AFG2A: variants seen among roughly 807,000 people sequenced by gnomAD.
The protein encoded by AFG2A is ATPase family gene 2 protein homolog A.
At chr4:123,111,452 A>G in the AFG2A span, among the ~76,000 whole-genome samples, 1 of 152,236 alleles carries the variant, frequency 6.6e-6, no homozygotes, top group Non-Finnish European at 1.5e-5. Flanking sequence ...TAAAGTTTGT[A>G]TATTAAAGTC....
At chr4:122,972,768 C>T in the AFG2A span, among the ~76,000 whole-genome samples, 1 of 151,842 alleles carries the variant, frequency 6.6e-6, no homozygotes, top group Non-Finnish European at 1.5e-5. Context: ...ATTCATTCTC[C>T]TGAGGTCAGA....
the AFG2A span, among the ~76,000 whole-genome samples, chr4:122,981,953 G>C: frequency 6.6e-6 from 1 of 151,756 alleles, no homozygotes; most frequent in South Asian, 2.1e-4. Flanking sequence ...TCTGCAAACA[G>C]ACAATTTTTT....
chr4:123,295,709 C>G, the AFG2A span, among the ~76,000 whole-genome samples: 1 of 152,216 alleles, frequency 6.6e-6, no homozygotes, highest in Non-Finnish European at 1.5e-5. Flanking sequence ...CTCTACCAAA[C>G]ATGGTGAAAA....
the AFG2A span, among the ~76,000 whole-genome samples, chr4:123,145,291 CTG>C: frequency 3.3e-5 from 5 of 151,984 alleles, no homozygotes; most frequent in East Asian, 1.9e-4. Flanking sequence ...AAACTGAAAA[CTG>C]TGGACAGATA....
the AFG2A span, chr4:122,934,885 A>G: frequency 2.9e-6 from 3 of 1,022,460 alleles, no homozygotes; most frequent in African/African-American, 1.6e-5. Flanking sequence ...GCTTTGGGAG[A>G]TGCCAGTTAA....
the AFG2A span, among the ~76,000 whole-genome samples, chr4:122,952,525 C>T: frequency 4.6e-5 from 7 of 152,230 alleles, no homozygotes; most frequent in Admixed American, 3.9e-4. Flanking sequence ...AGTAGGCCTG[C>T]ACCCTATCCA....
chr4:123,220,613 C>CAAAAAAAA, the AFG2A span, among the ~76,000 whole-genome samples: 2 of 41,746 alleles, frequency 4.8e-5, no homozygotes, highest in Non-Finnish European at 9.9e-5. Context: ...GACTCCAACT[C>CAAAAAAAA]AAAAAAAAAA....
At chr4:122,977,720 G>GGAAGAATGAGGTAT in the AFG2A span, among the ~76,000 whole-genome samples, 27 of 152,346 alleles carry the variant, frequency 1.8e-4, no homozygotes, top group South Asian at 5.0e-3. Flanking sequence ...GCAGCCTTTA[G>GGAAGAATGAGGTAT]GAAGAATGAG....
At chr4:122,987,416 A>G in the AFG2A span, among the ~76,000 whole-genome samples, 1 of 152,062 alleles carries the variant, frequency 6.6e-6, no homozygotes, top group African/African-American at 2.4e-5. Flanking sequence ...TTAATGTTCC[A>G]TTTGAAGTAA....
the AFG2A span, among the ~76,000 whole-genome samples, chr4:123,011,843 G>C: frequency 0.014 from 2,062 of 151,610 alleles, 47 homozygotes; most frequent in African/African-American, 0.047. Flanking sequence ...GTGAAGGGGT[G>C]GGGGGTGCTT....
the AFG2A span, among the ~76,000 whole-genome samples, chr4:123,274,956 T>G: frequency 8.5e-5 from 13 of 152,164 alleles, no homozygotes; most frequent in East Asian, 1.2e-3. Context: ...TGCTTTGGTG[T>G]TGTTTTTTGA....
the AFG2A span, among the ~76,000 whole-genome samples, chr4:123,277,734 C>T: frequency 6.6e-6 from 1 of 152,044 alleles, no homozygotes; most frequent in South Asian, 2.1e-4. Context: ...TTGACATAAT[C>T]ATGTTTTTGT....
chr4:123,196,167 A>ATTTTTTTTTTTTTTTTTTTTTTTTT, the AFG2A span, among the ~76,000 whole-genome samples: 1 of 79,676 alleles, frequency 1.3e-5, no homozygotes, highest in African/African-American at 4.6e-5. Context: ...TGCCCAGCTA[A>ATTTTTTTTTTTTTTTTTTTTTTTTT]TTTTTTTTTT....
chr4:123,073,589 G>T, the AFG2A span, among the ~76,000 whole-genome samples: 20 of 152,056 alleles, frequency 1.3e-4, no homozygotes, highest in African/African-American at 4.8e-4. Flanking sequence ...GTTTGTTCCT[G>T]TCCAAACTTA....
At chr4:123,213,687 G>A in the AFG2A span, among the ~76,000 whole-genome samples, 1 of 152,082 alleles carries the variant, frequency 6.6e-6, no homozygotes, top group African/African-American at 2.4e-5. Flanking sequence ...CTGTAGCTGG[G>A]GTAGCTTTCT....
At chr4:123,312,244 C>T in the AFG2A span, among the ~76,000 whole-genome samples, 15 of 152,166 alleles carry the variant, frequency 9.9e-5, no homozygotes, top group Admixed American at 2.0e-4. Flanking sequence ...CCATTATGTG[C>T]CAGGCTCTCT....
chr4:123,037,351 T>G, the AFG2A span, among the ~76,000 whole-genome samples: 32 of 152,120 alleles, frequency 2.1e-4, no homozygotes, highest in African/African-American at 7.2e-4. Context: ...TTTTTGTTAT[T>G]TTGTAAACTT....
chr4:122,947,383 C>G, the AFG2A span: 6 of 1,613,930 alleles, frequency 3.7e-6, no homozygotes, highest in Admixed American at 1.7e-5. Flanking sequence ...CCAGAAACTG[C>G]TTCGAAGGGT....
the AFG2A span, among the ~76,000 whole-genome samples, chr4:123,158,421 A>G: frequency 6.6e-6 from 1 of 152,198 alleles, no homozygotes; most frequent in Non-Finnish European, 1.5e-5. Context: ...TTTAGTATCA[A>G]TGCAATTTGA....
Sources: gnomAD v4.1 joint callset for allele counts (sites outside exome capture counted in the v4.1 genomes callset) on GRCh38, gnomAD v4.1.1 for gene constraint, MANE v1.5 for transcripts, NCBI Gene and HGNC (gene_info 2026-07-23, HGNC 2026-07-21) for gene names.